LHX8: variants seen among roughly 807,000 people sequenced by gnomAD.
LHX8 encodes LIM/homeobox protein Lhx8.
In LHX8, 12 loss-of-function variants were observed where a neutral mutation model predicts 40.3. The observed-to-expected ratio is 0.30, with a 90% CI of 0.19 to 0.48. The LOEUF (loss-of-function observed/expected upper bound fraction) is 0.48. Ranked by LOEUF, LHX8 falls within the 20% of genes least tolerant of loss-of-function variation. The pLI is 0.99. For synonymous variants in LHX8, 179 were observed against 162.0 expected (o/e 1.10, Z -0.80); for missense variants, 344 against 433.7 (o/e 0.79, Z 1.84).
chr1:75,191,568 A>C, the LHX8 span, among the ~76,000 whole-genome samples: 9 of 151,996 alleles, frequency 5.9e-5, no homozygotes, highest in Non-Finnish European at 1.2e-4. Flanking sequence ...AGGAAACTAA[A>C]CCCCACTGAA....
chr1:75,178,833 C>T, the LHX8 span, among the ~76,000 whole-genome samples: 2 of 152,206 alleles, frequency 1.3e-5, no homozygotes, highest in South Asian at 2.1e-4. Flanking sequence ...TCCCTGTACA[C>T]ACTGCTTTAA....
the LHX8 span, among the ~76,000 whole-genome samples, chr1:75,171,284 C>A: frequency 6.6e-6 from 1 of 151,972 alleles, no homozygotes; most frequent in East Asian, 1.9e-4. Context: ...TGAGTGAGTA[C>A]ACTTGGTAGC....
the LHX8 span, among the ~76,000 whole-genome samples, chr1:75,179,670 G>A: frequency 1.3e-5 from 2 of 151,866 alleles, no homozygotes; most frequent in Non-Finnish European, 2.9e-5. Context: ...CTTTTAATTG[G>A]GGTATTTAGC....
intron 3 of LHX8, among the ~76,000 whole-genome samples, chr1:75,138,107 A>G (rs1295119822): frequency 6.6e-6 from 1 of 152,144 alleles, no homozygotes; most frequent in Admixed American, 6.5e-5. Flanking sequence ...TGGAGTAGAA[A>G]TTTTGGCAGG....
downstream of LHX8, among the ~76,000 whole-genome samples, chr1:75,164,773 A>G (rs1281214525): frequency 7.0e-6 from 1 of 141,866 alleles, no homozygotes; most frequent in Admixed American, 7.5e-5. Flanking sequence ...TGTTCCAACT[A>G]CTGGGCACAA....
rs956926542 is a variant in LHX8, at chr1:75,136,576, A to T, written c.-12-27A>T. 2.2e-5 allele frequency: 33 copies of T among 1,502,924 alleles called. No homozygotes were observed. In the East Asian group the frequency reaches 7.9e-4, roughly 36 times the overall value. The allele number at this position is 1,502,924 out of a possible 1,614,324, so 93.1% of individuals were successfully genotyped here. On this transcript the variant is annotated intron_variant, in intron 1 of 8. Coordinates refer to ENST00000356261, the MANE Select transcript of LHX8 (RefSeq NM_001256114.2). ...CTCGGAACTTCTGATCTGTTTCTCC[A>T]TACTTTCTCCCCCTCCTACTCCGCA... is the stretch of plus-strand genomic sequence containing the variant.
At chr1:75,191,153 A>C in the LHX8 span, among the ~76,000 whole-genome samples, 1 of 152,158 alleles carries the variant, frequency 6.6e-6, no homozygotes, top group African/African-American at 2.4e-5. Flanking sequence ...CTCCTTTCCA[A>C]AAGGCAAACA....
Position 75,161,415 on chromosome 1 carries a change from C to A in LHX8, c.*520C>A, listed in dbSNP as rs1013269593. Reference sequence around the variant, plus strand: ...TGAATAAAGCTTCTGTTGTAGCATGCCATGCAAACACATTATTGTGTTTGT... The same window carrying A: ...TGAATAAAGCTTCTGTTGTAGCATGACATGCAAACACATTATTGTGTTTGT... On this transcript the variant is annotated 3_prime_UTR_variant, in exon 9 of 9. Coordinates refer to ENST00000356261, the MANE Select transcript of LHX8 (RefSeq NM_001256114.2). The A allele has an allele frequency of 6.2e-6, 1 of 160,392 alleles. No homozygotes were observed. Among genetic ancestry groups the A allele is most frequent in the Admixed American group, 6.2e-5 (1 of 16,128 alleles). The allele number at this position is 160,392 out of a possible 1,614,324, so 9.9% of individuals were successfully genotyped here.
chr1:75,180,792 G>A, the LHX8 span, among the ~76,000 whole-genome samples: 3 of 152,188 alleles, frequency 2.0e-5, no homozygotes, highest in African/African-American at 7.2e-5. Flanking sequence ...AGAATTTTCA[G>A]CTTTTCTGCT....
chr1:75,177,484 T>C, the LHX8 span, among the ~76,000 whole-genome samples: 6 of 152,208 alleles, frequency 3.9e-5, no homozygotes, highest in Non-Finnish European at 8.8e-5. Context: ...TTGTCTATTA[T>C]TGATGTATAA....
rs1055465968 is a variant in LHX8, at chr1:75,152,922, A to G, written c.781-3971A>G. The stretch of plus-strand genomic sequence containing the variant: ...TTTATTTTTTCATTTTTAAGACCGT[A>G]TGTTTTTAGCTCACTCTTCTGTTGG... On this transcript the variant is annotated intron_variant, in intron 7 of 8. Transcript: ENST00000356261. Among the ~76,000 whole-genome samples the G allele has an allele frequency of 5.9e-5, 9 of 152,288 alleles. No homozygotes were observed. In the South Asian group the frequency reaches 1.9e-3, roughly 32 times the overall value.
At chr1:75,148,112 A>C (rs1648510293) in intron 6 of LHX8, among the ~76,000 whole-genome samples, 1 of 152,084 alleles carries the variant, frequency 6.6e-6, no homozygotes, top group Non-Finnish European at 1.5e-5. Context: ...ACTATGATGG[A>C]GTTGTTACAA....
At chr1:75,170,944 C>T in the LHX8 span, among the ~76,000 whole-genome samples, 104 of 152,180 alleles carry the variant, frequency 6.8e-4, 1 homozygote, top group Non-Finnish European at 1.3e-3. Context: ...ATATTATTAT[C>T]ATTCCCACTT....
intron 3 of LHX8, among the ~76,000 whole-genome samples, chr1:75,138,630 C>G (rs1199741754): frequency 6.6e-6 from 1 of 152,022 alleles, no homozygotes; most frequent in Non-Finnish European, 1.5e-5. Flanking sequence ...TTTTAATGAG[C>G]CCTCTCAATA....
At position 75,155,296 on chromosome 1, in the gene LHX8, A is replaced by G. The variant is rs545738005; in HGVS notation, c.781-1597A>G. Among the ~76,000 whole-genome samples, 386 of 131,138 alleles carry G rather than the reference A, an allele frequency of 2.9e-3. 1 individual carries two copies. The highest frequency in any genetic ancestry group is 0.016 in the Admixed American group (169 of 10,608). The allele number at this position is 131,138 out of a possible 152,430, so 86.0% of individuals were successfully genotyped here. ...GTCGCCCAGCCTGGAGTGCAGTGGC[A>G]TGATCTTGGCTCACTGCAAGCTCCA... On this transcript the variant is annotated intron_variant, in intron 7 of 8. Coordinates refer to ENST00000356261, the MANE Select transcript of LHX8 (RefSeq NM_001256114.2).
Position 75,137,128 on chromosome 1 carries a change from A to C in LHX8, c.104A>C (p.Asp35Ala). 2.5e-6 allele frequency: 4 copies of C among 1,608,630 alleles called. No individual in the cohort carries two copies. The highest frequency in any genetic ancestry group is 3.4e-6 in the Non-Finnish European group (4 of 1,177,366). ...AGCCCCGAGGGAGCGGGGGACGAGG[A>C]CTCGTGCTCCTCCTCGGCCCCGCTG... ...LVSPEGAGDEDSCSSSAPLSP... is the reference protein window; with the variant it reads ...LVSPEGAGDEASCSSSAPLSP... The change falls in exon 3 of 9, where the codon GAC becomes GCC. Residue 35 changes from aspartate (D) to alanine (A), a missense_variant. Around this residue, in one of 3 missense-constraint regions of LHX8, gnomAD observed 108 missense variants for 90.1 expected, o/e 1.20. Transcript: ENST00000356261.
At chr1:75,141,984 A>T (rs1335835488) in intron 4 of LHX8, among the ~76,000 whole-genome samples, 2 of 152,130 alleles carry the variant, frequency 1.3e-5, no homozygotes, top group African/African-American at 4.8e-5. Flanking sequence ...AATTTATGAG[A>T]CCCAGAGTCT....
chr1:75,191,189 T>A, the LHX8 span, among the ~76,000 whole-genome samples: 6 of 152,028 alleles, frequency 3.9e-5, no homozygotes, highest in Non-Finnish European at 7.4e-5. Context: ...GCAGAAAAAT[T>A]AAAATCGATC....
chr1:75,156,840 C>T (rs1299272354), intron 7 of LHX8, 53 bp from the exon 8 acceptor site: 2 of 1,535,596 alleles, frequency 1.3e-6, no homozygotes, highest in Non-Finnish European at 1.8e-6. Flanking sequence ...TGATAATGTG[C>T]TCAGAAGCTG....
Sources: gnomAD v4.1 joint callset for allele counts (sites outside exome capture counted in the v4.1 genomes callset) on GRCh38, gnomAD v4.1.1 for gene constraint, gnomAD v4.1.1 regional missense constraint, MANE v1.5 for transcripts, NCBI Gene and HGNC (gene_info 2026-07-23, HGNC 2026-07-21) for gene names.